USP34: variants seen among roughly 807,000 people sequenced by gnomAD.
USP34 encodes ubiquitin carboxyl-terminal hydrolase 34.
A neutral mutation model predicts 460.3 loss-of-function variants in USP34; 70 were observed. That is an observed-to-expected ratio of 0.15 (90% CI 0.13 to 0.19). The LOEUF (loss-of-function observed/expected upper bound fraction) is 0.19, where lower values mean the gene tolerates loss of function less well. USP34 is among the 10% of genes least tolerant of loss of function. The pLI, the probability that USP34 is intolerant of heterozygous loss-of-function variation, is 1.00. For synonymous variants in USP34, 1,647 were observed against 1,405.3 expected, an observed-to-expected ratio of 1.17 and a Z score of -3.85; for missense variants, 3,985 against 4,236.2, an observed-to-expected ratio of 0.94 and a Z score of 1.65.
intron 3 of USP34, 97 bp from the exon 4 acceptor site, chr2:61,395,330 A>C (rs1475126599): frequency 4.0e-5 from 32 of 802,622 alleles, no homozygotes; most frequent in Non-Finnish European, 6.2e-5. Context: ...AAACCGAATA[A>C]ACAGATTATT....
chr2:61,305,048 G>C (rs761611346), intron 27 of USP34, among the ~76,000 whole-genome samples: 1 of 152,020 alleles, frequency 6.6e-6, no homozygotes. Flanking sequence ...GACGTAGGAC[G>C]GGTGTGGTGG....
chr2:61,211,968 A>G (rs1316584442), intron 68 of USP34, 39 bp from the exon 69 acceptor site: 2 of 1,553,132 alleles, frequency 1.3e-6, no homozygotes, highest in South Asian at 1.2e-5. Context: ...TTTTAACCCT[A>G]TAGCATTTTA....
chr2:61,192,813 G>T, intron 76 of USP34, 88 bp downstream of exon 76: 1 of 1,049,870 alleles, frequency 9.5e-7, no homozygotes, highest in Non-Finnish European at 1.4e-6. Flanking sequence ...CCACTTTTCA[G>T]CAAGTCTTCA....
chr2:61,218,828 G>T (rs912842970), intron 67 of USP34, among the ~76,000 whole-genome samples: 1 of 152,054 alleles, frequency 6.6e-6, no homozygotes, highest in Non-Finnish European at 1.5e-5. Flanking sequence ...TTGCCATCAC[G>T]CCATATCAAG....
Position 61,348,334 on chromosome 2 carries a change from A to G in USP34, c.1821T>C (p.Ser607=), listed in dbSNP as rs1572956748. The change falls in exon 15 of 80, where the codon AGT becomes AGC. Residue 607 remains serine (S), a synonymous_variant. Coordinates refer to ENST00000398571, the MANE Select transcript of USP34 (RefSeq NM_014709.4). ...HASQSAGSPG[S]EVQSEDIADI... is the part of the protein sequence containing the mutation. ...CTGCAATGTCTTCTGACTGTACCTC[A>G]CTGCCAGGGCTCCCAGCTGACTGGC... 2 of 1,614,090 alleles carry G rather than the reference A, an allele frequency of 1.2e-6. No individual in the cohort carries two copies. Among genetic ancestry groups the G allele is most frequent in the Non-Finnish European group, 1.7e-6 (2 of 1,180,020 alleles).
At chr2:61,463,487 T>C (rs1359779132) in intron 1 of USP34, among the ~76,000 whole-genome samples, 1 of 152,164 alleles carries the variant, frequency 6.6e-6, no homozygotes, top group African/African-American at 2.4e-5. Flanking sequence ...CTTTGCCAAC[T>C]GAACAGTGGT....
In USP34 at chr2:61,223,107, T is replaced by G; in HGVS notation, c.7702A>C (p.Asn2568His). 1 of 1,614,106 alleles carries G rather than the reference T, an allele frequency of 6.2e-7. No individual in the cohort carries two copies. The highest frequency in any genetic ancestry group is 8.5e-7 in the Non-Finnish European group (1 of 1,179,960). Reference protein sequence around the residue: ...RDGINIRQTCNLIFSLCRYNN... With the variant: ...RDGINIRQTCHLIFSLCRYNN... ...TATCGACACAGGCTGAAAATCAGAT[T>G]ACAAGTTTGTCTTATATTGATGCCA... Residue 2568 changes from asparagine (N) to histidine (H), a missense_variant, in exon 64 of 80, where the codon AAT becomes CAT. Asn to His is a moderately conservative substitution (Grantham distance 68, BLOSUM62 1). Around this residue, in one of 14 missense-constraint regions of USP34, gnomAD observed 604 missense variants for 684.8 expected, o/e 0.88. Transcript: ENST00000398571.
intron 67 of USP34, among the ~76,000 whole-genome samples, chr2:61,219,705 C>G (rs1037733750): frequency 6.6e-6 from 1 of 151,490 alleles, no homozygotes; most frequent in Admixed American, 6.6e-5. Flanking sequence ...ATCTGGATAC[C>G]AGACATGTTT....
chr2:61,291,876 T>C (rs1007992137), intron 33 of USP34, among the ~76,000 whole-genome samples: 1 of 152,160 alleles, frequency 6.6e-6, no homozygotes, highest in Admixed American at 6.6e-5. Context: ...ACATGTAATA[T>C]AATTATAAAA....
intron 5 of USP34, among the ~76,000 whole-genome samples, chr2:61,393,429 TAAAAAAAAAAAAAAA>T (rs33954205): frequency 7.7e-6 from 1 of 129,888 alleles, no homozygotes; most frequent in Non-Finnish European, 1.6e-5. Context: ...AGACTCCGTC[TAAAAAAAAAAAAAAA>T]AAGGCAACAT....
chr2:61,363,928 T>C (rs1399078523), intron 10 of USP34, among the ~76,000 whole-genome samples: 1 of 152,190 alleles, frequency 6.6e-6, no homozygotes, highest in Non-Finnish European at 1.5e-5. Flanking sequence ...ACGCAAAACA[T>C]TTTCATCATC....
intron 1 of USP34, among the ~76,000 whole-genome samples, chr2:61,454,784 C>T (rs1370061621): frequency 1.4e-5 from 2 of 147,740 alleles, no homozygotes; most frequent in Non-Finnish European, 1.5e-5. Flanking sequence ...CCTGACCTCA[C>T]GTGATCCGCC....
At chr2:61,470,598 C>A (rs1207933681) in intron 1 of USP34, 52 bp downstream of exon 1, 2 of 1,325,670 alleles carry the variant, frequency 1.5e-6, no homozygotes, top group Non-Finnish European at 2.1e-6. Context: ...CAGAGAGCTG[C>A]GCGAGGACCC....
intron 35 of USP34, among the ~76,000 whole-genome samples, chr2:61,284,494 T>C: frequency 6.6e-6 from 1 of 152,166 alleles, no homozygotes; most frequent in East Asian, 1.9e-4. Context: ...ACCAATAGGA[T>C]TATTTTAATA....
intron 10 of USP34, among the ~76,000 whole-genome samples, chr2:61,365,398 G>A (rs542232781): frequency 6.6e-6 from 1 of 151,948 alleles, no homozygotes; most frequent in African/African-American, 2.4e-5. Flanking sequence ...AAACCCTCAT[G>A]GGATCAATGA....
chr2:61,293,407 A>G, intron 33 of USP34, 57 bp downstream of exon 33: 1 of 1,311,298 alleles, frequency 7.6e-7, no homozygotes, highest in East Asian at 2.4e-5. Flanking sequence ...GATGAAATGG[A>G]AGTATTTCAA....
chr2:61,383,184 A>T (rs1693026369), intron 6 of USP34, 85 bp downstream of exon 6: 2 of 942,692 alleles, frequency 2.1e-6, no homozygotes, highest in Non-Finnish European at 3.1e-6. Context: ...ACTATAGGGG[A>T]CTTTCAAACA....
intron 1 of USP34, among the ~76,000 whole-genome samples, chr2:61,446,302 G>A (rs908074304): frequency 6.6e-6 from 1 of 151,944 alleles, no homozygotes; most frequent in Non-Finnish European, 1.5e-5. Context: ...AAGTGCTTCT[G>A]TACTCCATCA....
chr2:61,464,176 G>A (rs974807513), intron 1 of USP34, among the ~76,000 whole-genome samples: 5 of 152,024 alleles, frequency 3.3e-5, no homozygotes, highest in Non-Finnish European at 7.4e-5. Context: ...AACATTAGCT[G>A]GGCGTGGTGG....
Sources: gnomAD v4.1 joint callset for allele counts (sites outside exome capture counted in the v4.1 genomes callset) on GRCh38, gnomAD v4.1.1 for gene constraint, gnomAD v4.1.1 regional missense constraint, MANE v1.5 for transcripts, NCBI Gene and HGNC (gene_info 2026-07-23, HGNC 2026-07-21) for gene names.